Variants in CAPN14 observed in about 807,000 individuals in gnomAD.
CAPN14 encodes the protein calpain 14, also known as calpain-14.
In CAPN14, 94 loss-of-function variants were observed where a neutral mutation model predicts 101.3. The ratio of observed to expected loss-of-function variants is 0.93; its 90% CI spans 0.79 to 1.10. The LOEUF (loss-of-function observed/expected upper bound fraction) is 1.10. Among genes scored for constraint, CAPN14 ranks in the 50% least tolerant of loss-of-function variants. CAPN14 has a pLI of 0.00. For missense variants in CAPN14, 837 were observed against 828.4 expected (o/e 1.01, Z -0.13); for synonymous variants, 338 against 317.9 (o/e 1.06, Z -0.67).
intron 5 of CAPN14, among the ~76,000 whole-genome samples, chr2:31,200,851 C>T (rs907060159): frequency 6.6e-6 from 1 of 152,074 alleles, no homozygotes; most frequent in African/African-American, 2.4e-5. Context: ...AGACTGGGAA[C>T]CCCTCTTTCC....
intron 1 of CAPN14, among the ~76,000 whole-genome samples, chr2:31,231,266 T>C (rs2148711787): frequency 6.6e-6 from 1 of 152,314 alleles, no homozygotes; most frequent in South Asian, 2.1e-4. Context: ...GAAAACCTTA[T>C]TTAGATTTTG....
At chr2:31,199,190 G>A (rs1313432273) in intron 7 of CAPN14, among the ~76,000 whole-genome samples, 1 of 152,206 alleles carries the variant, frequency 6.6e-6, no homozygotes, top group East Asian at 1.9e-4. Context: ...TGGCAGCCCA[G>A]AGTGAAGCAA....
intron 3 of CAPN14, among the ~76,000 whole-genome samples, chr2:31,202,463 C>T (rs1228484600): frequency 3.3e-5 from 5 of 152,154 alleles, no homozygotes; most frequent in African/African-American, 9.7e-5. Flanking sequence ...GAGCCATGTT[C>T]CTGGGCCAGA....
At chr2:31,221,530 C>G (rs188397756), upstream of CAPN14, among the ~76,000 whole-genome samples, 57 of 151,668 alleles carry the variant, frequency 3.8e-4, no homozygotes, top group Non-Finnish European at 6.3e-4. Context: ...CTGTGTTCAT[C>G]TGCCTTTTTG....
chr2:31,229,927 T>A (rs1451242324), intron 1 of CAPN14, among the ~76,000 whole-genome samples: 8 of 152,346 alleles, frequency 5.3e-5, no homozygotes, highest in Non-Finnish European at 1.2e-4. Flanking sequence ...AATTGTATGA[T>A]TCTATGCATA....
chr2:31,227,910 C>G (rs1319290365), intron 1 of CAPN14, among the ~76,000 whole-genome samples: 3 of 152,204 alleles, frequency 2.0e-5, no homozygotes, highest in African/African-American at 7.2e-5. Context: ...GAGAGGGGCA[C>G]AGCCTTCTTA....
intron 7 of CAPN14, among the ~76,000 whole-genome samples, chr2:31,199,233 TGG>T (rs1219125991): frequency 6.6e-6 from 1 of 151,566 alleles, no homozygotes. Context: ...TACAGCAGGG[TGG>T]GAGGATGGTT....
intron 1 of CAPN14, among the ~76,000 whole-genome samples, chr2:31,216,929 CA>C (rs1285480626): frequency 1.3e-5 from 2 of 152,184 alleles, no homozygotes; most frequent in African/African-American, 4.8e-5. Context: ...GTGTTTTTCA[CA>C]TCTAATTTCA....
intron 1 of CAPN14, among the ~76,000 whole-genome samples, chr2:31,210,856 G>C (rs535391940): frequency 1.3e-4 from 20 of 152,160 alleles, no homozygotes; most frequent in Admixed American, 7.9e-4. Context: ...TTGTTGCAAA[G>C]CATGCCAAAT....
At chr2:31,178,450 T>G in intron 18 of CAPN14, 61 bp downstream of exon 18, 1 of 1,287,328 alleles carries the variant, frequency 7.8e-7, no homozygotes, top group Non-Finnish European at 1.1e-6. Context: ...CTTCTACAGC[T>G]TTGCAGAACT....
chr2:31,217,226 G>A (rs970577214), intron 1 of CAPN14, among the ~76,000 whole-genome samples: 2 of 152,136 alleles, frequency 1.3e-5, no homozygotes, highest in Non-Finnish European at 2.9e-5. Context: ...GAGGAGATTG[G>A]GGCCAAAGGG....
upstream of CAPN14, among the ~76,000 whole-genome samples, chr2:31,221,750 G>C (rs1053978458): frequency 2.0e-5 from 3 of 152,156 alleles, no homozygotes; most frequent in Non-Finnish European, 4.4e-5. Context: ...GGTATAGTCG[G>C]AAAGAAGCCC....
At chr2:31,193,859 G>T (rs1186231289) in intron 9 of CAPN14, among the ~76,000 whole-genome samples, 1 of 152,176 alleles carries the variant, frequency 6.6e-6, no homozygotes, top group Non-Finnish European at 1.5e-5. Flanking sequence ...AATGGGAGCA[G>T]TCCTTGGAAC....
In CAPN14 at chr2:31,185,122, A is replaced by G. The variant is rs115243623; in HGVS notation, c.1645+1306T>C. Among the ~76,000 whole-genome samples, 802 of 152,332 alleles carry G rather than the reference A, an allele frequency of 5.3e-3. 11 individuals carry two copies. The highest frequency in any genetic ancestry group is 0.018 in the African/African-American group (765 of 41,562). On this transcript the variant is annotated intron_variant, in intron 16 of 21. Coordinates refer to ENST00000403897, the MANE Select transcript of CAPN14 (RefSeq NM_001145122.2). ...TAATGATTTCTCCCAGCTTTGTGCC[A>G]TCTGCAGCTCCAATAAGCCTATATT... is the stretch of plus-strand genomic sequence containing the variant.
At chr2:31,216,151 A>C (rs1038208117) in intron 1 of CAPN14, among the ~76,000 whole-genome samples, 1 of 152,228 alleles carries the variant, frequency 6.6e-6, no homozygotes, top group African/African-American at 2.4e-5. Context: ...CACAAACAAT[A>C]TTAAGTAGAA....
intron 1 of CAPN14, among the ~76,000 whole-genome samples, chr2:31,215,803 G>A (rs1338325354): frequency 6.8e-6 from 1 of 146,198 alleles, no homozygotes; most frequent in Non-Finnish European, 1.5e-5. Flanking sequence ...AAAAACCCAG[G>A]CAAACTTTTG....
chr2:31,179,313 A>G (rs1416734767), intron 17 of CAPN14, among the ~76,000 whole-genome samples: 4 of 152,042 alleles, frequency 2.6e-5, no homozygotes, highest in East Asian at 1.9e-4. Flanking sequence ...AAGTGAGAAC[A>G]TGCAGTGTTT....
At chr2:31,223,332 C>T (rs1682916293) in intron 2 of CAPN14, among the ~76,000 whole-genome samples, 1 of 152,194 alleles carries the variant, frequency 6.6e-6, no homozygotes, top group Non-Finnish European at 1.5e-5. Context: ...GACAGCACTT[C>T]AAATGTAACT....
At chr2:31,181,442 C>CTTTCT in intron 16 of CAPN14, among the ~76,000 whole-genome samples, 1 of 99,038 alleles carries the variant, frequency 1.0e-5, no homozygotes, top group African/African-American at 3.5e-5. Flanking sequence ...TTCTTTCTTT[C>CTTTCT]TTTTTCTTTC....
Sources: gnomAD v4.1 joint callset for allele counts (sites outside exome capture counted in the v4.1 genomes callset) on GRCh38, gnomAD v4.1.1 for gene constraint, MANE v1.5 for transcripts, NCBI Gene and HGNC (gene_info 2026-07-23, HGNC 2026-07-21) for gene names.